MRPS6: variants seen among roughly 807,000 people sequenced by gnomAD.
MRPS6 encodes mitochondrial ribosomal protein S6.
In MRPS6, 6 loss-of-function variants were observed where a neutral mutation model predicts 13.1. The ratio of observed to expected loss-of-function variants is 0.46; its 90% CI spans 0.25 to 0.91. The LOEUF is 0.91. MRPS6 is among the 40% of genes least tolerant of loss of function. The pLI, the probability that MRPS6 is intolerant of heterozygous loss-of-function variation, is 0.18. For missense variants in MRPS6, 164 were observed against 155.6 expected, an observed-to-expected ratio of 1.05 and a Z score of -0.29; for synonymous variants, 61 against 56.5, an observed-to-expected ratio of 1.08 and a Z score of -0.36.
chr21:34,106,115 A>G, intron 1 of MRPS6: 1 of 998,108 alleles, frequency 1.0e-6, no homozygotes, highest in South Asian at 4.7e-5. Context: ...ATTAGCCTTC[A>G]AAAGTATTTG....
chr21:34,095,963 A>G (rs1419060895), intron 1 of MRPS6: 1 of 1,614,172 alleles, frequency 6.2e-7, no homozygotes, highest in African/African-American at 1.3e-5. Flanking sequence ...GGAATCCAAC[A>G]GATGAAGATG....
At chr21:34,085,190 AGTGGC>A (rs1452221309) in intron 1 of MRPS6, among the ~76,000 whole-genome samples, 2 of 152,216 alleles carry the variant, frequency 1.3e-5, no homozygotes, top group East Asian at 3.8e-4. Flanking sequence ...CATTAATAAC[AGTGGC>A]ACTTTGAGGA....
At chr21:34,090,445 C>T (rs1294499910) in intron 1 of MRPS6, among the ~76,000 whole-genome samples, 1 of 152,128 alleles carries the variant, frequency 6.6e-6, no homozygotes, top group African/African-American at 2.4e-5. Context: ...TTGTATTTTA[C>T]TTGAAGTGAT....
chr21:34,076,662 T>A (rs1989339709), intron 1 of MRPS6, among the ~76,000 whole-genome samples: 1 of 152,228 alleles, frequency 6.6e-6, no homozygotes, highest in East Asian at 1.9e-4. Flanking sequence ...TTATTTCTAT[T>A]TTCTGTTTTA....
intron 1 of MRPS6, among the ~76,000 whole-genome samples, chr21:34,082,775 A>T (rs9978290): frequency 0.021 from 3,271 of 152,228 alleles, 126 homozygotes; most frequent in African/African-American, 0.073. Context: ...GATAACATCA[A>T]ATTGCAAATA....
intron 2 of MRPS6, 50 bp downstream of exon 2, chr21:34,125,530 A>C (rs1462618369): frequency 4.4e-6 from 7 of 1,601,516 alleles, no homozygotes; most frequent in Non-Finnish European, 5.1e-6. Context: ...GGCTCAGTAA[A>C]GAGTACTGTT....
chr21:34,077,057 GC>G (rs929762763), intron 1 of MRPS6, among the ~76,000 whole-genome samples: 1 of 152,140 alleles, frequency 6.6e-6, no homozygotes, highest in East Asian at 1.9e-4. Flanking sequence ...CCTCCACCCT[GC>G]CCCCCCTGCA....
At chr21:34,086,223 T>A (rs1978368860) in intron 1 of MRPS6, among the ~76,000 whole-genome samples, 1 of 152,148 alleles carries the variant, frequency 6.6e-6, no homozygotes, top group South Asian at 2.1e-4. Flanking sequence ...TTGTTTTGTT[T>A]TGTTTTGTAA....
At chr21:34,092,662 G>A (rs578227622) in intron 1 of MRPS6, among the ~76,000 whole-genome samples, 2 of 152,318 alleles carry the variant, frequency 1.3e-5, no homozygotes, top group East Asian at 3.9e-4. Flanking sequence ...GATAGTAACA[G>A]TGCTTCCCAG....
intron 1 of MRPS6, chr21:34,097,466 C>T: frequency 2.8e-6 from 4 of 1,454,166 alleles, no homozygotes; most frequent in Admixed American, 2.6e-5. Flanking sequence ...AGGTTTTAGC[C>T]AAATTTTACT....
At chr21:34,129,183 C>T (rs961741968) in intron 2 of MRPS6, among the ~76,000 whole-genome samples, 2 of 152,108 alleles carry the variant, frequency 1.3e-5, no homozygotes, top group African/African-American at 4.8e-5. Flanking sequence ...TATAAAGGGG[C>T]AGGCATCTTA....
At chr21:34,142,276 TTATGTGTGTG>T (rs923376575) in intron 2 of MRPS6, 122 bp from the exon 3 acceptor site, 1 of 935,184 alleles carries the variant, frequency 1.1e-6, no homozygotes, top group African/African-American at 1.7e-5. Context: ...TTTGACAAGG[TTATGTGTGTG>T]TATGTGTGTG....
chr21:34,097,500 A>G (rs1979021840), intron 1 of MRPS6: 1 of 1,420,850 alleles, frequency 7.0e-7, no homozygotes, highest in Non-Finnish European at 9.2e-7. Context: ...TCTAATTACA[A>G]GACTTTATTT....
At chr21:34,142,347 C>A in intron 2 of MRPS6, 61 bp from the exon 3 acceptor site, 1 of 1,513,062 alleles carries the variant, frequency 6.6e-7, no homozygotes, top group South Asian at 1.4e-5. Flanking sequence ...AAACACTGAC[C>A]AAAATAGTAG....
Position 34,073,616 on chromosome 21 carries a change from T to C in MRPS6, c.-85T>C. The C allele has an allele frequency of 8.1e-7, 1 of 1,229,984 alleles. No homozygotes were observed. Among genetic ancestry groups the C allele is most frequent in the Non-Finnish European group, 1.1e-6 (1 of 884,836 alleles). The allele number at this position is 1,229,984 out of a possible 1,614,324, so 76.2% of individuals were successfully genotyped here. On this transcript the variant is annotated 5_prime_UTR_variant, in exon 1 of 3. Coordinates refer to ENST00000399312, the MANE Select transcript of MRPS6 (RefSeq NM_032476.4). The stretch of plus-strand genomic sequence containing the variant: ...GGGAGCCGTCCGGCGCAGCAGTTTC[T>C]AGGTCCCCACTGTCCCCGCCGTCCC...
At chr21:34,075,960 T>C (rs564154959) in intron 1 of MRPS6, among the ~76,000 whole-genome samples, 2 of 152,348 alleles carry the variant, frequency 1.3e-5, no homozygotes, top group South Asian at 4.1e-4. Flanking sequence ...CGAGGCACTT[T>C]GTGCTTCTGT....
At chr21:34,094,291 T>G (rs1978860261) in intron 1 of MRPS6, among the ~76,000 whole-genome samples, 1 of 152,184 alleles carries the variant, frequency 6.6e-6, no homozygotes, top group Non-Finnish European at 1.5e-5. Flanking sequence ...TACTGGAGTT[T>G]AAGAAGCTTT....
intron 2 of MRPS6, among the ~76,000 whole-genome samples, chr21:34,136,305 G>A (rs1980701389): frequency 6.6e-6 from 1 of 152,024 alleles, no homozygotes; most frequent in Admixed American, 6.6e-5. Flanking sequence ...GTGCCACCAT[G>A]CCTGGCTAAT....
At chr21:34,103,178 A>C in intron 1 of MRPS6, 1 of 1,000,098 alleles carries the variant, frequency 1.0e-6, no homozygotes, top group Non-Finnish European at 1.2e-6. Context: ...TAATATAACC[A>C]GCTTTTGAAA....
Sources: gnomAD v4.1 joint callset for allele counts (sites outside exome capture counted in the v4.1 genomes callset) on GRCh38, gnomAD v4.1.1 for gene constraint, MANE v1.5 for transcripts, NCBI Gene and HGNC (gene_info 2026-07-23, HGNC 2026-07-21) for gene names.